Variants in VCL observed in about 807,000 individuals in gnomAD.
VCL encodes the protein vinculin, also known as epididymis luminal protein 114.
A neutral mutation model predicts 125.7 loss-of-function variants in VCL; 47 were observed. The observed-to-expected ratio is 0.37, with a 90% confidence interval of 0.30 to 0.48. The LOEUF (loss-of-function observed/expected upper bound fraction) is 0.48. Among genes scored for constraint, VCL ranks in the 20% least tolerant of loss-of-function variants. The probability of loss-of-function intolerance (pLI) is 0.99; values close to 1 mark genes in which losing one functional copy is unlikely to be tolerated. For synonymous variants in VCL, 458 were observed against 514.6 expected (o/e 0.89, Z 1.49); for missense variants, 1,069 against 1,455.5 (o/e 0.73, Z 4.32).
chr10:73,999,889 A>T (rs971418499), intron 1 of VCL, among the ~76,000 whole-genome samples: 2 of 152,220 alleles, frequency 1.3e-5, no homozygotes, highest in African/African-American at 4.8e-5. Flanking sequence ...TCCAGAGTAC[A>T]TTCTTATGTA....
rs1840154950 is a variant in VCL at position 73,998,342 on chromosome 10, C to T, written c.135C>T (p.Ala45=). 1 of 1,554,510 alleles carries T rather than the reference C, an allele frequency of 6.4e-7. No individual in the cohort carries two copies. Among genetic ancestry groups the T allele is most frequent in the Non-Finnish European group, 8.7e-7 (1 of 1,148,688 alleles). The stretch of plus-strand genomic sequence containing the variant: ...TTCCTGACCTCACCGCGCCCGTGGC[C>T]GCCGTGCAGGCGGCCGTCAGCAACC... ...KAIPDLTAPV[A]AVQAAVSNLV... The change falls in exon 1 of 22, where the codon GCC becomes GCT. Residue 45 remains alanine (A), a synonymous_variant. Transcript: ENST00000211998.
chr10:74,036,365 G>A lies in VCL; in HGVS notation c.169-6718G>A, dbSNP rs746806410. Among the ~76,000 whole-genome samples the A allele has an allele frequency of 6.4e-4, 97 of 152,062 alleles. No homozygotes were observed. The Middle Eastern group carries it at 0.01, about 16-fold the overall frequency. ...TTACAGGCGCCCACCATCACGCCCGGCCAATTTTTATATATTTAGTAGAGA... is the reference window on the plus strand; with the variant it reads ...TTACAGGCGCCCACCATCACGCCCGACCAATTTTTATATATTTAGTAGAGA... On this transcript the variant is annotated intron_variant, in intron 1 of 21. Coordinates refer to ENST00000211998, the MANE Select transcript of VCL (RefSeq NM_014000.3).
intron 2 of VCL, among the ~76,000 whole-genome samples, chr10:74,044,735 A>G (rs937519409): frequency 3.3e-5 from 5 of 152,264 alleles, no homozygotes; most frequent in Non-Finnish European, 7.3e-5. Context: ...AGCATTGTTC[A>G]TGATGACCCC....
intron 6 of VCL, among the ~76,000 whole-genome samples, chr10:74,082,095 A>G (rs1421961499): frequency 6.6e-6 from 1 of 152,224 alleles, no homozygotes; most frequent in Non-Finnish European, 1.5e-5. Flanking sequence ...GCTGCAGTAG[A>G]TGAATGTTGA....
chr10:74,067,378 TAAAA>T (rs571897797), intron 2 of VCL, among the ~76,000 whole-genome samples: 1 of 145,032 alleles, frequency 6.9e-6, no homozygotes, highest in African/African-American at 2.5e-5. Flanking sequence ...GGCTTTTATT[TAAAA>T]AAAAAAAAAG....
intron 11 of VCL, among the ~76,000 whole-genome samples, chr10:74,094,679 G>T (rs535655668): frequency 5.3e-5 from 8 of 152,182 alleles, no homozygotes; most frequent in Non-Finnish European, 1.2e-4. Flanking sequence ...CAAGTGCTTT[G>T]GGAGGCTAAG....
intron 1 of VCL, among the ~76,000 whole-genome samples, chr10:74,012,839 C>T (rs1339810096): frequency 6.6e-6 from 1 of 152,154 alleles, no homozygotes; most frequent in Admixed American, 6.6e-5. Flanking sequence ...TGGATAATTT[C>T]TACTAATTCT....
intron 1 of VCL, among the ~76,000 whole-genome samples, chr10:74,016,146 T>C (rs1840533454): frequency 6.6e-6 from 1 of 152,182 alleles, no homozygotes; most frequent in African/African-American, 2.4e-5. Flanking sequence ...GACAGTCTTT[T>C]TCCCTTCTAT....
chr10:74,110,860 A>G (rs1272586265), intron 18 of VCL, among the ~76,000 whole-genome samples: 3 of 152,048 alleles, frequency 2.0e-5, no homozygotes, highest in Non-Finnish European at 2.9e-5. Context: ...ATGTTAGTCT[A>G]TTTTCAGCAT....
At chr10:74,008,924 TA>T (rs1365287026) in intron 1 of VCL, among the ~76,000 whole-genome samples, 1 of 152,172 alleles carries the variant, frequency 6.6e-6, no homozygotes, top group Non-Finnish European at 1.5e-5. Flanking sequence ...AGGACTAGAA[TA>T]AAAAACAAAC....
intron 1 of VCL, among the ~76,000 whole-genome samples, chr10:74,002,851 C>T (rs1355712559): frequency 6.9e-6 from 1 of 144,882 alleles, no homozygotes; most frequent in Non-Finnish European, 1.5e-5. Context: ...CACTGCATTC[C>T]AGCCTGGTGA....
chr10:74,039,459 C>A (rs1841051722), intron 1 of VCL, among the ~76,000 whole-genome samples: 1 of 151,974 alleles, frequency 6.6e-6, no homozygotes, highest in Admixed American at 6.6e-5. Context: ...TCTCCCCTCA[C>A]CACCTAAAAA....
At position 74,114,271 on chromosome 10, in the gene VCL, C is replaced by A; in HGVS notation, c.3037C>A (p.Arg1013=). The part of the protein sequence containing the change: ...RLVRGGSGTK[R]ALIQCAKDIA... ...GGTAAGAGGGGGCAGTGGTACCAAGCGGGCACTCATTCAGTGTGCCAAGGA... is the reference window on the plus strand; with the variant it reads ...GGTAAGAGGGGGCAGTGGTACCAAGAGGGCACTCATTCAGTGTGCCAAGGA... Residue 1013 remains arginine (R), a synonymous_variant, in exon 20 of 22, where the codon CGG becomes AGG. Transcript: ENST00000211998. The A allele has an allele frequency of 6.2e-7, 1 of 1,614,044 alleles. No homozygotes were observed. The highest frequency in any genetic ancestry group is 8.5e-7 in the Non-Finnish European group (1 of 1,180,024).
chr10:74,111,805 C>A, intron 18 of VCL, 104 bp from the exon 19 acceptor site: 1 of 1,413,766 alleles, frequency 7.1e-7, no homozygotes, highest in Non-Finnish European at 9.8e-7. Context: ...CTTTCTCATC[C>A]TAGGCAGGCT....
chr10:74,090,787 T>C (rs1436738409), intron 10 of VCL, among the ~76,000 whole-genome samples: 1 of 146,034 alleles, frequency 6.8e-6, no homozygotes, highest in Non-Finnish European at 1.5e-5. Flanking sequence ...GTATTTCCTC[T>C]TTTTTTTTTT....
At chr10:74,084,354 C>A (rs961114755) in intron 8 of VCL, among the ~76,000 whole-genome samples, 2 of 152,000 alleles carry the variant, frequency 1.3e-5, no homozygotes, top group Non-Finnish European at 2.9e-5. Context: ...TGCAGTGGTG[C>A]AATCTCGGCT....
intron 21 of VCL, among the ~76,000 whole-genome samples, chr10:74,115,704 T>G (rs561835683): frequency 3.2e-4 from 48 of 152,302 alleles, no homozygotes; most frequent in African/African-American, 1.1e-3. Context: ...TTCCGGGGCA[T>G]GAGGTAGTTA....
At chr10:74,069,674 T>A (rs559354558) in intron 2 of VCL, among the ~76,000 whole-genome samples, 1 of 152,332 alleles carries the variant, frequency 6.6e-6, no homozygotes, top group South Asian at 2.1e-4. Flanking sequence ...TTCCTTATCT[T>A]TGTAAGTTAG....
intron 1 of VCL, among the ~76,000 whole-genome samples, chr10:74,035,640 A>G (rs1049047805): frequency 3.3e-5 from 5 of 152,354 alleles, no homozygotes; most frequent in Admixed American, 6.5e-5. Context: ...AAGAGTTAAA[A>G]GCTATTCTCT....
Sources: allele counts gnomAD v4.1 joint callset (sites outside exome capture counted in the v4.1 genomes callset), GRCh38; gene constraint gnomAD v4.1.1; transcripts MANE v1.5; gene names NCBI Gene and HGNC (gene_info 2026-07-23, HGNC 2026-07-21).